MARCHF8: variants seen among roughly 807,000 people sequenced by gnomAD.
MARCHF8 encodes E3 ubiquitin-protein ligase MARCHF8.
MARCHF8 carries 40 observed loss-of-function variants against 51.6 expected under a neutral mutation model. The ratio of observed to expected loss-of-function variants is 0.77; its 90% CI spans 0.60 to 1.01. The LOEUF is 1.01. Among genes scored for constraint, MARCHF8 ranks in the 50% least tolerant of loss-of-function variants. The pLI is 0.00. For missense variants in MARCHF8, 685 were observed against 708.6 expected, an observed-to-expected ratio of 0.97 and a Z score of 0.38; for synonymous variants, 263 against 280.3, an observed-to-expected ratio of 0.94 and a Z score of 0.62.
At chr10:45,550,906 G>T (rs975552966) in intron 1 of MARCHF8, among the ~76,000 whole-genome samples, 1 of 152,206 alleles carries the variant, frequency 6.6e-6, no homozygotes, top group Non-Finnish European at 1.5e-5. Context: ...CAATATAAGT[G>T]ATGGTTAATT....
chr10:45,533,109 C>T lies in MARCHF8; in HGVS notation c.102+1G>A, dbSNP rs77833583. On this transcript the variant is annotated splice_donor_variant, in intron 2 of 7. Transcript: ENST00000453424. LOFTEE classifies it high-confidence loss of function. ...AACTAAAAAAGATACTCTCCCAGTA[C>T]CTGTTCTTCCCTCTCCTTTTCTTTG... 7 of 1,597,140 alleles carry T rather than the reference C, an allele frequency of 4.4e-6. No individual in the cohort carries two copies. The East Asian group carries it at 1.3e-4, about 31-fold the overall frequency.
intron 2 of MARCHF8, among the ~76,000 whole-genome samples, chr10:45,516,477 T>C (rs898453874): frequency 8.8e-5 from 13 of 148,352 alleles, no homozygotes; most frequent in Non-Finnish European, 1.6e-4. Context: ...AAGAATCAAG[T>C]GTGGGCCAGG....
At chr10:45,573,269 G>A (rs566511767) in intron 1 of MARCHF8, among the ~76,000 whole-genome samples, 7 of 152,066 alleles carry the variant, frequency 4.6e-5, no homozygotes, top group Admixed American at 3.3e-4. Context: ...ATTAAATTCC[G>A]GCCCTCAAAC....
At chr10:45,501,398 T>C (rs2043277689) in intron 2 of MARCHF8, among the ~76,000 whole-genome samples, 1 of 152,120 alleles carries the variant, frequency 6.6e-6, no homozygotes, top group Non-Finnish European at 1.5e-5. Context: ...AACTGATTTT[T>C]AAGAAAGCAA....
intron 1 of MARCHF8, among the ~76,000 whole-genome samples, chr10:45,590,459 G>A (rs1189206926): frequency 1.3e-5 from 2 of 152,078 alleles, no homozygotes; most frequent in African/African-American, 4.8e-5. Flanking sequence ...ACTGCTTGTA[G>A]GACAATAAAA....
At chr10:45,543,299 T>G (rs1490001038) in intron 1 of MARCHF8, among the ~76,000 whole-genome samples, 1 of 152,242 alleles carries the variant, frequency 6.6e-6, no homozygotes, top group African/African-American at 2.4e-5. Flanking sequence ...TCTCTGATTC[T>G]CATTCTGTGC....
chr10:45,479,021 C>T (rs1305202460), intron 3 of MARCHF8, among the ~76,000 whole-genome samples: 1 of 152,114 alleles, frequency 6.6e-6, no homozygotes, highest in African/African-American at 2.4e-5. Context: ...ATGCTGACAC[C>T]AAAACCAGAC....
chr10:45,563,569 A>G (rs1321478362), intron 1 of MARCHF8, among the ~76,000 whole-genome samples: 3 of 152,240 alleles, frequency 2.0e-5, no homozygotes, highest in East Asian at 1.9e-4. Context: ...GAAAAATACC[A>G]TAAGAAAAAA....
intron 1 of MARCHF8, among the ~76,000 whole-genome samples, chr10:45,567,322 C>T (rs932638430): frequency 6.6e-6 from 1 of 152,182 alleles, no homozygotes; most frequent in Non-Finnish European, 1.5e-5. Context: ...GTTGCCTGTA[C>T]TTGTGGGTTA....
At position 45,532,495 on chromosome 10, in the gene MARCHF8, A is replaced by G. The variant is rs747231307; in HGVS notation, c.102+615T>C. Among the ~76,000 whole-genome samples, 15 of 152,322 alleles carry G rather than the reference A, an allele frequency of 9.8e-5. No individual in the cohort carries two copies. In the South Asian group the frequency reaches 3.1e-3, roughly 32 times the overall value. ...GGAGACAATTAGGTCCTAGGGGTGG[A>G]ACCCTCTCCATGGGATCAGTCCTTC... On this transcript the variant is annotated intron_variant, in intron 2 of 7. Transcript: ENST00000453424.
rs139503390 is a variant in MARCHF8 at position 45,500,466 on chromosome 10, T to C, written c.103-11049A>G. Among the ~76,000 whole-genome samples, 668 of 152,286 alleles carry C rather than the reference T, an allele frequency of 4.4e-3. 3 individuals carry two copies. Among genetic ancestry groups the C allele is most frequent in the African/African-American group, 0.015 (637 of 41,576 alleles). On this transcript the variant is annotated intron_variant, in intron 2 of 7. Transcript: ENST00000453424. ...TCAGCTAGGATTTCCAGTAATGTGTTGTACAGCAGTGGCAAAACCAGGCAA... is the reference window on the plus strand; with the variant it reads ...TCAGCTAGGATTTCCAGTAATGTGTCGTACAGCAGTGGCAAAACCAGGCAA...
chr10:45,481,346 C>T (rs965062615), intron 3 of MARCHF8, among the ~76,000 whole-genome samples: 4 of 152,074 alleles, frequency 2.6e-5, no homozygotes, highest in African/African-American at 9.7e-5. Context: ...CTTTGGGGGA[C>T]TGTTGGGAAG....
At chr10:45,539,662 C>A (rs1241761415), upstream of MARCHF8, among the ~76,000 whole-genome samples, 1 of 152,094 alleles carries the variant, frequency 6.6e-6, no homozygotes, top group Non-Finnish European at 1.5e-5. Context: ...CACAGAAATA[C>A]CAACTACCAT....
At chr10:45,584,365 A>G (rs983628749) in intron 1 of MARCHF8, among the ~76,000 whole-genome samples, 1 of 151,900 alleles carries the variant, frequency 6.6e-6, no homozygotes, top group Non-Finnish European at 1.5e-5. Context: ...ATTTATGTAA[A>G]ACTTTTTAAA....
chr10:45,534,710 G>A (rs996519611), intron 1 of MARCHF8, among the ~76,000 whole-genome samples: 4 of 152,150 alleles, frequency 2.6e-5, no homozygotes, highest in African/African-American at 9.7e-5. Flanking sequence ...GTGGGGACAG[G>A]TGAGGCAGTA....
chr10:45,467,673 TACTAGATGGGACAGGACCTC>T (rs1432405784), intron 3 of MARCHF8, among the ~76,000 whole-genome samples: 1 of 151,968 alleles, frequency 6.6e-6, no homozygotes. Context: ...GACAGAACCT[TACTAGATGGGACAGGACCTC>T]ACTAGATGGG....
intron 2 of MARCHF8, among the ~76,000 whole-genome samples, chr10:45,522,771 T>A (rs1400539490): frequency 6.6e-6 from 1 of 152,048 alleles, no homozygotes; most frequent in African/African-American, 2.4e-5. Flanking sequence ...GAAACAAACA[T>A]GAAAAACACA....
chr10:45,500,907 A>G (rs1405520914), intron 2 of MARCHF8, among the ~76,000 whole-genome samples: 3 of 151,954 alleles, frequency 2.0e-5, no homozygotes, highest in Non-Finnish European at 2.9e-5. Context: ...GCAATGAACA[A>G]AAGAACTCAC....
chr10:45,529,825 T>TC (rs2043848606), intron 2 of MARCHF8, among the ~76,000 whole-genome samples: 1 of 152,214 alleles, frequency 6.6e-6, no homozygotes, highest in Non-Finnish European at 1.5e-5. Context: ...AAGGGAATGC[T>TC]CACAGACTGT....
Sources: gnomAD v4.1 joint callset for allele counts (sites outside exome capture counted in the v4.1 genomes callset) on GRCh38, gnomAD v4.1.1 for gene constraint, MANE v1.5 for transcripts, NCBI Gene and HGNC (gene_info 2026-07-23, HGNC 2026-07-21) for gene names.